FRMPD4: variants seen among roughly 807,000 people sequenced by gnomAD.
FRMPD4 encodes the protein FERM and PDZ domain-containing protein 4.
Under a neutral mutation model 94.1 loss-of-function variants are expected in FRMPD4, and 22 were observed. The ratio of observed to expected loss-of-function variants is 0.23; its 90% CI spans 0.17 to 0.33. FRMPD4 has a LOEUF of 0.33. Ranked by LOEUF, FRMPD4 falls within the 10% of genes least tolerant of loss-of-function variation. The probability of loss-of-function intolerance (pLI) is 1.00; values close to 1 mark genes in which losing one functional copy is unlikely to be tolerated. For synonymous variants in FRMPD4, 631 were observed against 548.6 expected (o/e 1.15, Z -2.10); for missense variants, 1,111 against 1,339.9 (o/e 0.83, Z 2.67).
At chrX:12,583,947 C>T (rs1168794737) in intron 2 of FRMPD4, among the ~76,000 whole-genome samples, 2 of 111,611 alleles carry the variant, frequency 1.8e-5, no homozygotes, top group African/African-American at 6.5e-5. Context: ...CTGCCTCACA[C>T]GTTCCAAAGG....
chrX:12,642,807 G>A (rs1459665909), intron 4 of FRMPD4, among the ~76,000 whole-genome samples: 1 of 112,434 alleles, frequency 8.9e-6, no homozygotes, highest in East Asian at 2.8e-4. Flanking sequence ...GTAGGCTGAA[G>A]TAGGAGAATC....
intron 1 of FRMPD4, among the ~76,000 whole-genome samples, chrX:12,275,170 G>A (rs188534045): frequency 4.5e-4 from 50 of 111,446 alleles, no homozygotes; most frequent in Admixed American, 1.3e-3. Flanking sequence ...AATCCCTCAT[G>A]GCTTGGTGCT....
intron 1 of FRMPD4, among the ~76,000 whole-genome samples, chrX:12,461,530 C>G (rs2057390915): frequency 9.0e-6 from 1 of 111,618 alleles, no homozygotes; most frequent in Admixed American, 9.5e-5. Flanking sequence ...TAGTGAATTC[C>G]CTTAAATAGC....
chrX:11,895,595 T>C (rs1369357082), intron 3 of FRMPD4, among the ~76,000 whole-genome samples: 5 of 111,854 alleles, frequency 4.5e-5, no homozygotes, highest in Non-Finnish European at 7.5e-5. Flanking sequence ...AGCAGTTAAA[T>C]GAGATGGAAA....
At chrX:12,656,520 A>G (rs1049951371) in intron 4 of FRMPD4, among the ~76,000 whole-genome samples, 1 of 112,572 alleles carries the variant, frequency 8.9e-6, no homozygotes, top group Non-Finnish European at 1.9e-5. Flanking sequence ...GCTACTACAC[A>G]TCAATGAGAA....
chrX:12,495,774 A>G (rs188205246), intron 1 of FRMPD4, among the ~76,000 whole-genome samples: 4 of 112,185 alleles, frequency 3.6e-5, no homozygotes, highest in Non-Finnish European at 1.9e-5. Flanking sequence ...TATGTGGAGC[A>G]GTGGGTCGCC....
intron 1 of FRMPD4, among the ~76,000 whole-genome samples, chrX:12,191,161 C>T (rs2056486673): frequency 8.9e-6 from 1 of 111,942 alleles, no homozygotes; most frequent in Non-Finnish European, 1.9e-5. Flanking sequence ...TAGCATATAT[C>T]ATCAGGGAAA....
At chrX:11,929,272 G>A (rs891467152) in intron 3 of FRMPD4, among the ~76,000 whole-genome samples, 5 of 112,198 alleles carry the variant, frequency 4.5e-5, no homozygotes, top group Non-Finnish European at 9.4e-5. Flanking sequence ...AAAAAGAGAT[G>A]TGAGTGGAGA....
chrX:11,876,185 C>T (rs1199043841), intron 2 of FRMPD4, among the ~76,000 whole-genome samples: 2 of 110,533 alleles, frequency 1.8e-5, no homozygotes, highest in African/African-American at 6.6e-5. Context: ...AAGACAACTC[C>T]CACTCTGTAC....
intron 1 of FRMPD4, among the ~76,000 whole-genome samples, chrX:11,825,289 G>A (rs192611504): frequency 9.5e-5 from 10 of 104,982 alleles, no homozygotes; most frequent in Admixed American, 4.2e-4. Flanking sequence ...AATAGTGAAC[G>A]GCTTGTGTGA....
intron 3 of FRMPD4, among the ~76,000 whole-genome samples, chrX:11,900,371 C>T (rs1287039043): frequency 1.8e-5 from 2 of 111,247 alleles, no homozygotes; most frequent in Non-Finnish European, 1.9e-5. Context: ...TTTTGCCAGG[C>T]CAGGACAGGA....
At chrX:12,161,486 T>G (rs2056025094) in intron 1 of FRMPD4, among the ~76,000 whole-genome samples, 2 of 112,200 alleles carry the variant, frequency 1.8e-5, no homozygotes, top group Admixed American at 9.4e-5. Flanking sequence ...GAGCATTTTA[T>G]AAACAATAGC....
intron 1 of FRMPD4, among the ~76,000 whole-genome samples, chrX:12,456,293 C>T (rs191235791): frequency 7.5e-4 from 84 of 111,871 alleles, no homozygotes; most frequent in African/African-American, 2.6e-3. Flanking sequence ...CTCTCCCTTT[C>T]TGTCTCCCTT....
chrX:12,254,365 C>T lies in FRMPD4; in HGVS notation c.41+115353C>T, dbSNP rs147271008. 7.1e-5 allele frequency among the ~76,000 whole-genome samples: 8 copies of T among 111,893 alleles called. No individual in the cohort carries two copies. In the East Asian group the frequency reaches 1.4e-3, roughly 20 times the overall value. On this transcript the variant is annotated intron_variant, in intron 1 of 16. Transcript: ENST00000675598. ...TGTATGTGAGAGATCCAGGTGAAGACGTCAAGTGGACAATTGAATATATTG... is the reference window on the plus strand; with the variant it reads ...TGTATGTGAGAGATCCAGGTGAAGATGTCAAGTGGACAATTGAATATATTG...
intron 4 of FRMPD4, among the ~76,000 whole-genome samples, chrX:12,637,249 A>G (rs908737182): frequency 1.8e-5 from 2 of 112,285 alleles, no homozygotes; most frequent in Non-Finnish European, 3.8e-5. Flanking sequence ...CCTCAACTTT[A>G]TCCCACAGTG....
rs375396240 is a variant in FRMPD4, at chrX:12,583,036, C to A, written c.159-26685C>A. 1.3e-4 allele frequency among the ~76,000 whole-genome samples: 15 copies of A among 112,069 alleles called. No homozygotes were observed. In the East Asian group the frequency reaches 4.2e-3, roughly 31 times the overall value. On this transcript the variant is annotated intron_variant, in intron 2 of 16. Coordinates refer to ENST00000675598, the MANE Select transcript of FRMPD4 (RefSeq NM_001368397.1). ...TCCTTTAAGATTGATTTCCTATGCTCCCTCCTCAATCAAGCTTTTCTTGGA... is the reference window on the plus strand; with the variant it reads ...TCCTTTAAGATTGATTTCCTATGCTACCTCCTCAATCAAGCTTTTCTTGGA...
At chrX:12,106,723 G>A (rs894150235) in intron 3 of FRMPD4, among the ~76,000 whole-genome samples, 16 of 111,837 alleles carry the variant, frequency 1.4e-4, no homozygotes, top group African/African-American at 4.5e-4. Flanking sequence ...CTTTTCCAAC[G>A]GTCTTAGCAA....
At chrX:12,463,139 G>A (rs772439497) in intron 1 of FRMPD4, among the ~76,000 whole-genome samples, 30 of 112,024 alleles carry the variant, frequency 2.7e-4, no homozygotes, top group African/African-American at 8.7e-4. Context: ...AGACAAAAAG[G>A]AATTCTTTCT....
At chrX:12,205,594 G>A (rs994642756) in intron 1 of FRMPD4, among the ~76,000 whole-genome samples, 7 of 111,847 alleles carry the variant, frequency 6.3e-5, no homozygotes, top group Non-Finnish European at 1.3e-4. Flanking sequence ...TTACTGCACA[G>A]CTTACTTAGA....
Sources: allele counts gnomAD v4.1 joint callset (sites outside exome capture counted in the v4.1 genomes callset), GRCh38; gene constraint gnomAD v4.1.1; transcripts MANE v1.5; gene names NCBI Gene and HGNC (gene_info 2026-07-23, HGNC 2026-07-21).